The following CARS2 variants were observed in gnomAD, a reference collection of about 807,000 sequenced individuals.
CARS2 encodes the protein probable cysteine--tRNA ligase, mitochondrial.
In CARS2, 52 loss-of-function variants were observed where a neutral mutation model predicts 68.8. The observed-to-expected ratio is 0.76, with a 90% CI of 0.61 to 0.95. The LOEUF (loss-of-function observed/expected upper bound fraction) is 0.95. CARS2 is among the 40% of genes least tolerant of loss of function. CARS2 has a pLI of 0.00. For missense variants in CARS2, 780 were observed against 754.2 expected, an observed-to-expected ratio of 1.03 and a Z score of -0.40; for synonymous variants, 314 against 303.6, an observed-to-expected ratio of 1.03 and a Z score of -0.36.
chr13:110,705,450 A>C lies in CARS2; in HGVS notation c.275+71T>G. 2.7e-6 allele frequency: 3 copies of C among 1,112,048 alleles called. No individual in the cohort carries two copies. The highest frequency in any genetic ancestry group is 3.0e-5 in the South Asian group (2 of 66,346). 68.9% of individuals were successfully genotyped at this position (1,112,048 alleles called of 1,614,324 possible). ...CCTAAGTTGCCACTTAAGAGATAAA[A>C]GAAATCAGCAAAAGGCTTTCAAAAA... is the stretch of plus-strand genomic sequence containing the variant. On this transcript the variant is annotated intron_variant, in intron 2 of 14. Coordinates refer to ENST00000257347, the MANE Select transcript of CARS2 (RefSeq NM_024537.4). This position sits in a 1 kb window ranked among gnomAD's most constrained non-coding sequence, Gnocchi z 4.0.
chr13:110,644,543 G>C lies in CARS2; in HGVS notation c.1318-60C>G, dbSNP rs576489257. 1,632 of 1,599,546 alleles carry C rather than the reference G, an allele frequency of 1.0e-3. 2 individuals are homozygous for C. Among genetic ancestry groups the C allele is most frequent in the Non-Finnish European group, 1.4e-3 (1,586 of 1,172,160 alleles). On this transcript the variant is annotated intron_variant, in intron 12 of 14. Transcript: ENST00000257347. ...GCAGTCTTGATGGCAGTGGGCAAACGGAATTCAATGTCAAAAGACAAAGGC... is the reference window on the plus strand; with the variant it reads ...GCAGTCTTGATGGCAGTGGGCAAACCGAATTCAATGTCAAAAGACAAAGGC...
chr13:110,713,281 A>G lies in CARS2; in HGVS notation n.255T>C, dbSNP rs1306228439. ...ACGAAGAGTCAGGGGCTGAGGAGCG[A>G]GTTGCGGTAGTTGCTGTGTACCATG... On this transcript the variant is annotated non_coding_transcript_exon_variant, in exon 1 of 3. Coordinates refer to the CARS2 transcript ENST00000485188. 7 of 1,273,440 alleles carry G rather than the reference A, an allele frequency of 5.5e-6. No individual in the cohort carries two copies. In the Admixed American group the frequency reaches 1.5e-4, roughly 27 times the overall value. The allele number at this position is 1,273,440 out of a possible 1,614,324, so 78.9% of individuals were successfully genotyped here.
chr13:110,685,992 G>GAAAAAAAAAAAAAAAAAAA (rs10668818), intron 5 of CARS2, among the ~76,000 whole-genome samples: 4 of 128,590 alleles, frequency 3.1e-5, no homozygotes, highest in East Asian at 2.2e-4. Flanking sequence ...CAGAAAAAAT[G>GAAAAAAAAAAAAAAAAAAA]AAAAAAAAAA....
chr13:110,646,122 A>AG (rs1443541416), intron 11 of CARS2, 32 bp from the exon 12 acceptor site: 1 of 1,603,054 alleles, frequency 6.2e-7, no homozygotes, highest in Non-Finnish European at 8.5e-7. Flanking sequence ...GTCACAGCAG[A>AG]GGGAGCTCCA....
chr13:110,641,675 G>T (rs1887317694), intron 14 of CARS2, 67 bp from the exon 15 acceptor site: 2 of 1,295,336 alleles, frequency 1.5e-6, no homozygotes, highest in Admixed American at 3.4e-5. Flanking sequence ...GGGCTGACAG[G>T]CGTAATCAGG....
chr13:110,646,858 CCT>C, intron 11 of CARS2: 1 of 472,424 alleles, frequency 2.1e-6, no homozygotes, highest in Non-Finnish European at 3.8e-6. Context: ...CTGGGGAGCC[CCT>C]GACCCCACAC....
At chr13:110,644,325 G>C (rs1887799290) in intron 13 of CARS2, 60 bp downstream of exon 13, 5 of 1,507,394 alleles carry the variant, frequency 3.3e-6, no homozygotes, top group Non-Finnish European at 4.6e-6. Flanking sequence ...AAAGGGTAAA[G>C]GTTATTGTCC....
chr13:110,654,567 C>T (rs1043804381), intron 9 of CARS2, among the ~76,000 whole-genome samples: 11 of 151,712 alleles, frequency 7.3e-5, no homozygotes, highest in African/African-American at 2.7e-4. Flanking sequence ...CAAATCAACA[C>T]AGCAAATAGA....
At chr13:110,712,779 G>A (rs764136255) in intron 1 of CARS2, 1 of 716,622 alleles carries the variant, frequency 1.4e-6, no homozygotes. Flanking sequence ...AAGAGATAAG[G>A]CCTAGGGAAG....
rs2062611630 is a variant in CARS2, at chr13:110,665,052, C to T, written c.920-1534G>A. On this transcript the variant is annotated intron_variant, in intron 8 of 14. Coordinates refer to ENST00000257347, the MANE Select transcript of CARS2 (RefSeq NM_024537.4). This position sits in a 1 kb window ranked among gnomAD's most constrained non-coding sequence, Gnocchi z 4.3. ...GGGTACAGGAGAACAGGTGTCACTT[C>T]TCCTGCGTCAGGAGACACTGATGTT... is the stretch of plus-strand genomic sequence containing the variant. The T allele has an allele frequency of 1.0e-6, 1 of 985,342 alleles. No individual in the cohort carries two copies. Among genetic ancestry groups the T allele is most frequent in the African/African-American group, 1.7e-5 (1 of 57,244 alleles). 61.0% of individuals were successfully genotyped at this position (985,342 alleles called of 1,614,324 possible).
chr13:110,690,038 C>T (rs1259651431), intron 3 of CARS2, among the ~76,000 whole-genome samples: 1 of 152,116 alleles, frequency 6.6e-6, no homozygotes, highest in Non-Finnish European at 1.5e-5. Flanking sequence ...ACCATCCTGG[C>T]TAACATGGTG....
At chr13:110,644,292 T>C in intron 13 of CARS2, 93 bp downstream of exon 13, 1 of 1,375,808 alleles carries the variant, frequency 7.3e-7, no homozygotes, top group Non-Finnish European at 1.0e-6. Context: ...TAGTGTGGCA[T>C]CATAATGCTC....
intron 8 of CARS2, chr13:110,666,249 T>A: frequency 1.0e-6 from 1 of 985,274 alleles, no homozygotes; most frequent in Non-Finnish European, 1.2e-6. Flanking sequence ...GAAACGGAAG[T>A]GAGGGCGGCA....
In CARS2 at chr13:110,713,003, C is replaced by A. The variant is rs202081363; in HGVS notation, n.399+134G>T. On this transcript the variant is annotated intron_variant and non_coding_transcript_variant, in intron 1 of 2. Coordinates refer to the CARS2 transcript ENST00000485188. ...GTAGGTCTCCCGCGCACTCTGCGGC[C>A]GCAGCTCAAAGGACACCGAGAGGGT... 2.6e-6 allele frequency: 4 copies of A among 1,541,402 alleles called. No homozygotes were observed. In the Admixed American group the frequency reaches 5.8e-5, roughly 23 times the overall value.
chr13:110,706,198 G>A, upstream of CARS2: 5 of 836,930 alleles, frequency 6.0e-6, no homozygotes, highest in Non-Finnish European at 6.2e-6. Flanking sequence ...CCACGCCCTT[G>A]GGGCCACGCC....
chr13:110,649,931 C>CTGTTTTTTTTTTTTTTTTTTTTTTTTTTT (rs1249270267), intron 10 of CARS2, among the ~76,000 whole-genome samples: 13 of 73,144 alleles, frequency 1.8e-4, no homozygotes, highest in South Asian at 1.7e-3. Flanking sequence ...TGGATAACGA[C>CTGTTTTTTTTTTTTTTTTTTTTTTTTTTT]TTTTTTTTTT....
intron 2 of CARS2, among the ~76,000 whole-genome samples, chr13:110,702,767 C>G (rs2063825899): frequency 6.6e-6 from 1 of 152,168 alleles, no homozygotes; most frequent in South Asian, 2.1e-4. Flanking sequence ...CACAAACACG[C>G]ACACACACGC....
At chr13:110,644,603 G>A in intron 12 of CARS2, 120 bp from the exon 13 acceptor site, 1 of 1,495,518 alleles carries the variant, frequency 6.7e-7, no homozygotes, top group Admixed American at 2.3e-5. Flanking sequence ...CTTTCTCCTG[G>A]CTTCTATGGA....
Position 110,687,846 on chromosome 13 carries a change from T to A in CARS2, c.466-20A>T. 1 of 1,578,176 alleles carries A rather than the reference T, an allele frequency of 6.3e-7. No individual in the cohort carries two copies. The highest frequency in any genetic ancestry group is 8.7e-7 in the Non-Finnish European group (1 of 1,148,324). On this transcript the variant is annotated intron_variant, in intron 4 of 14. Transcript: ENST00000257347. ...GAGAACCTGCAAGGAAGTGGAGACGTGACCGTGTTTCCCTCGTGAGAAGCA... is the reference window on the plus strand; with the variant it reads ...GAGAACCTGCAAGGAAGTGGAGACGAGACCGTGTTTCCCTCGTGAGAAGCA...
Sources: gnomAD v4.1 joint callset for allele counts (sites outside exome capture counted in the v4.1 genomes callset) on GRCh38, gnomAD v4.1.1 for gene constraint, Gnocchi (gnomAD v3.1) non-coding constraint, MANE v1.5 for transcripts, NCBI Gene and HGNC (gene_info 2026-07-23, HGNC 2026-07-21) for gene names.